The following SGCZ variants were observed in gnomAD, a reference collection of about 807,000 sequenced individuals.
SGCZ encodes zeta-sarcoglycan.
A neutral mutation model predicts 41.3 loss-of-function variants in SGCZ; 40 were observed. The observed-to-expected ratio is 0.97, with a 90% CI of 0.75 to 1.26. The LOEUF is 1.26. Among genes scored for constraint, SGCZ ranks in the 50% most tolerant of loss-of-function variants. The pLI is 0.00. For missense variants in SGCZ, 552 were observed against 369.8 expected (o/e 1.49, Z -4.04); for synonymous variants, 206 against 137.5 (o/e 1.50, Z -3.49).
intron 1 of SGCZ, among the ~76,000 whole-genome samples, chr8:14,666,074 G>C (rs1255433890): frequency 6.6e-6 from 1 of 152,120 alleles, no homozygotes; most frequent in Non-Finnish European, 1.5e-5. Context: ...GCAAACATTT[G>C]CCCTTCTCAG....
At chr8:15,029,204 T>A (rs1306234973) in intron 1 of SGCZ, among the ~76,000 whole-genome samples, 1 of 152,064 alleles carries the variant, frequency 6.6e-6, no homozygotes, top group Non-Finnish European at 1.5e-5. Context: ...TTTAATGTGC[T>A]TTGGTACCCT....
At chr8:14,611,938 T>A (rs879350700) in intron 1 of SGCZ, among the ~76,000 whole-genome samples, 1 of 152,234 alleles carries the variant, frequency 6.6e-6, no homozygotes, top group Non-Finnish European at 1.5e-5. Flanking sequence ...GTAAATATGA[T>A]ATGTAAATAT....
At chr8:15,165,006 AT>A (rs1180869365) in intron 1 of SGCZ, among the ~76,000 whole-genome samples, 1 of 152,066 alleles carries the variant, frequency 6.6e-6, no homozygotes, top group Non-Finnish European at 1.5e-5. Flanking sequence ...AAGAGCTCTA[AT>A]TAGGCCAGGC....
At chr8:14,274,062 C>T (rs1363485695) in intron 3 of SGCZ, among the ~76,000 whole-genome samples, 1 of 151,760 alleles carries the variant, frequency 6.6e-6, no homozygotes, top group Non-Finnish European at 1.5e-5. Flanking sequence ...TTTTTCAAAT[C>T]CCCTGTTACA....
intron 2 of SGCZ, among the ~76,000 whole-genome samples, chr8:14,352,967 G>A (rs1779541907): frequency 6.6e-6 from 1 of 151,958 alleles, no homozygotes; most frequent in Non-Finnish European, 1.5e-5. Flanking sequence ...TTTGATTTCT[G>A]TACCAAAATA....
At chr8:14,856,712 C>T (rs900093777) in intron 1 of SGCZ, among the ~76,000 whole-genome samples, 1 of 152,126 alleles carries the variant, frequency 6.6e-6, no homozygotes, top group African/African-American at 2.4e-5. Flanking sequence ...GGGGCTTAGG[C>T]AGCAGTATGT....
intron 3 of SGCZ, among the ~76,000 whole-genome samples, chr8:14,266,116 C>G (rs1799856906): frequency 6.6e-6 from 1 of 152,022 alleles, no homozygotes; most frequent in African/African-American, 2.4e-5. Flanking sequence ...TATCCGAGGA[C>G]ATAAAGATCA....
intron 2 of SGCZ, among the ~76,000 whole-genome samples, chr8:14,435,454 G>C (rs62499696): frequency 0.21 from 31,901 of 151,940 alleles, 3,913 homozygotes; most frequent in Non-Finnish European, 0.29. Flanking sequence ...CCCTTCTCTT[G>C]AATTTTTTTC....
chr8:14,629,332 G>A (rs1235514126), intron 1 of SGCZ, among the ~76,000 whole-genome samples: 1 of 150,774 alleles, frequency 6.6e-6, no homozygotes, highest in Non-Finnish European at 1.5e-5. Flanking sequence ...TGTTTTTAGT[G>A]ACTAGTAGGT....
intron 1 of SGCZ, among the ~76,000 whole-genome samples, chr8:14,593,930 T>G (rs1418262185): frequency 6.6e-6 from 1 of 152,080 alleles, no homozygotes; most frequent in Admixed American, 6.5e-5. Context: ...ATCCCCGCAC[T>G]TTGGGAGGCC....
In SGCZ at chr8:14,205,439, G is replaced by A. The variant is rs1228112245; in HGVS notation, c.424+32153C>T. Among the ~76,000 whole-genome samples the A allele has an allele frequency of 2.0e-5, 3 of 152,260 alleles. No individual in the cohort carries two copies. The East Asian group carries it at 5.8e-4, about 29-fold the overall frequency. On this transcript the variant is annotated intron_variant, in intron 4 of 7. Coordinates refer to ENST00000382080, the MANE Select transcript of SGCZ (RefSeq NM_139167.4). Reference sequence around the variant, plus strand: ...GCTTTTTAATGCAGAGGTTATGTAAGAAATGTCCAATTGATACATGTTTCA... The same window carrying A: ...GCTTTTTAATGCAGAGGTTATGTAAAAAATGTCCAATTGATACATGTTTCA...
intron 3 of SGCZ, among the ~76,000 whole-genome samples, chr8:14,276,388 G>A (rs565165057): frequency 5.9e-5 from 9 of 152,176 alleles, no homozygotes; most frequent in African/African-American, 1.9e-4. Context: ...GCAGACATTC[G>A]ATATCAGGGT....
chr8:14,548,999 G>C (rs1185065663), intron 2 of SGCZ, among the ~76,000 whole-genome samples: 2 of 152,090 alleles, frequency 1.3e-5, no homozygotes, highest in African/African-American at 4.8e-5. Context: ...ACTTTTTCTA[G>C]AGGGGTTGTA....
At chr8:14,291,352 A>T (rs1800835239) in intron 3 of SGCZ, among the ~76,000 whole-genome samples, 2 of 152,178 alleles carry the variant, frequency 1.3e-5, no homozygotes, top group East Asian at 1.9e-4. Context: ...TAGATATGCT[A>T]ATTACCTTGA....
chr8:15,234,322 C>T (rs1406864212), intron 1 of SGCZ, among the ~76,000 whole-genome samples: 1 of 152,180 alleles, frequency 6.6e-6, no homozygotes, highest in Non-Finnish European at 1.5e-5. Flanking sequence ...TATTCATTAA[C>T]ACCCACATTT....
At chr8:14,415,828 G>T (rs1319612081) in intron 2 of SGCZ, among the ~76,000 whole-genome samples, 1 of 151,928 alleles carries the variant, frequency 6.6e-6, no homozygotes, top group Non-Finnish European at 1.5e-5. Context: ...CAGATGATCA[G>T]TGCATTGAAT....
chr8:15,169,834 T>C (rs2117060129), intron 1 of SGCZ, among the ~76,000 whole-genome samples: 1 of 152,312 alleles, frequency 6.6e-6, no homozygotes, highest in Admixed American at 6.5e-5. Flanking sequence ...TATTTCAATG[T>C]TTCCATTCTG....
intron 2 of SGCZ, among the ~76,000 whole-genome samples, chr8:14,390,718 T>C (rs1290509561): frequency 2.0e-5 from 3 of 152,020 alleles, no homozygotes; most frequent in Non-Finnish European, 4.4e-5. Flanking sequence ...AATATTTAGA[T>C]GCTGACTTAA....
At chr8:14,330,637 A>G (rs1252613059) in intron 2 of SGCZ, among the ~76,000 whole-genome samples, 3 of 152,000 alleles carry the variant, frequency 2.0e-5, no homozygotes, top group Non-Finnish European at 4.4e-5. Context: ...TTAAAATGAC[A>G]TTTGAAATTT....
Sources: allele counts gnomAD v4.1 joint callset (sites outside exome capture counted in the v4.1 genomes callset), GRCh38; gene constraint gnomAD v4.1.1; transcripts MANE v1.5; gene names NCBI Gene and HGNC (gene_info 2026-07-23, HGNC 2026-07-21).